Variants in KIF13A observed in about 807,000 individuals in gnomAD.
KIF13A encodes kinesin family member 13A.
KIF13A carries 79 observed loss-of-function variants against 212.2 expected under a neutral mutation model. The observed-to-expected ratio is 0.37, with a 90% confidence interval of 0.31 to 0.45. The LOEUF (loss-of-function observed/expected upper bound fraction) is 0.45, where lower values mean the gene tolerates loss of function less well. Ranked by LOEUF, KIF13A falls within the 20% of genes least tolerant of loss-of-function variation. KIF13A has a pLI of 1.00. For synonymous variants in KIF13A, 789 were observed against 808.6 expected, an observed-to-expected ratio of 0.98 and a Z score of 0.41; for missense variants, 1,901 against 2,209.0, an observed-to-expected ratio of 0.86 and a Z score of 2.79.
At chr6:17,762,294 C>T (rs908453818), downstream of KIF13A, among the ~76,000 whole-genome samples, 1 of 150,788 alleles carries the variant, frequency 6.6e-6, no homozygotes, top group Non-Finnish European at 1.5e-5. Flanking sequence ...CTCACTGCAA[C>T]CTCCGCCTCC....
rs1779405700 is a variant in KIF13A at position 17,967,212 on chromosome 6, T to TGCAA, written c.146+19841_146+19842insTTGC. Reference sequence around the variant, plus strand: ...TTCAGCTGAACCTAGTGCTGTAAATTTTTAGATAGTGCTACCGCCTCAAGG... The same window carrying TGCAA: ...TTCAGCTGAACCTAGTGCTGTAAATTGCAATTTAGATAGTGCTACCGCCTCAAGG... On this transcript the variant is annotated intron_variant, in intron 2 of 38. Coordinates refer to ENST00000259711, the MANE Select transcript of KIF13A (RefSeq NM_022113.6). The surrounding 1 kb of genome is among the most constrained non-coding windows in gnomAD (Gnocchi z 4.1). Among the ~76,000 whole-genome samples, 2 of 152,214 alleles carry TGCAA rather than the reference T, an allele frequency of 1.3e-5. No homozygotes were observed. Among genetic ancestry groups the TGCAA allele is most frequent in the Non-Finnish European group, 1.5e-5 (1 of 68,048 alleles).
chr6:17,803,220 C>T (rs778286805), intron 20 of KIF13A, among the ~76,000 whole-genome samples: 2 of 152,120 alleles, frequency 1.3e-5, no homozygotes, highest in Non-Finnish European at 2.9e-5. Flanking sequence ...AGGCGTGAGC[C>T]ACTGCACTCT....
rs1392125191 is a variant in KIF13A at position 17,825,170 on chromosome 6, G to A, written c.1786+598C>T. On this transcript the variant is annotated intron_variant, in intron 16 of 38. Transcript: ENST00000259711. This position sits in a 1 kb window ranked among gnomAD's most constrained non-coding sequence, Gnocchi z 4.5. ...TATTTTATTTAATGCAGGCAGGTGT[G>A]TATAGGCACAGAATAAGAAAGAAAA... 2.6e-5 allele frequency among the ~76,000 whole-genome samples: 4 copies of A among 152,194 alleles called. No individual in the cohort carries two copies. The highest frequency in any genetic ancestry group is 4.4e-5 in the Non-Finnish European group (3 of 68,034).
intron 2 of KIF13A, among the ~76,000 whole-genome samples, chr6:17,929,248 T>C (rs933567497): frequency 6.6e-6 from 1 of 151,710 alleles, no homozygotes; most frequent in Non-Finnish European, 1.5e-5. Context: ...GGGGGGCGCA[T>C]GGGGAGGGCA....
chr6:17,969,095 A>C (rs1411153692), intron 2 of KIF13A, among the ~76,000 whole-genome samples: 2 of 152,254 alleles, frequency 1.3e-5, no homozygotes, highest in Admixed American at 1.3e-4. Flanking sequence ...CAAGGCACTT[A>C]CTATGTACAA....
chr6:17,951,087 ATAT>A lies in KIF13A; in HGVS notation c.146+35964_146+35966del, dbSNP rs1777804633. On this transcript the variant is annotated intron_variant, in intron 2 of 38. Coordinates refer to ENST00000259711, the MANE Select transcript of KIF13A (RefSeq NM_022113.6). The surrounding 1 kb of genome is among the most constrained non-coding windows in gnomAD (Gnocchi z 4.9). ...ACACCTAAGGAATTGTACTTATTAT[ATAT>A]AACACTTTGCCAACCATCCATTTAT... is the stretch of plus-strand genomic sequence containing the variant. The A allele has an allele frequency of 1.8e-6, 2 of 1,114,084 alleles. No homozygotes were observed. Among genetic ancestry groups the A allele is most frequent in the Admixed American group, 9.8e-5 (2 of 20,394 alleles). The allele number at this position is 1,114,084 out of a possible 1,614,324, so 69.0% of individuals were successfully genotyped here. A position where few individuals can be genotyped will look rare whatever the true frequency, so the allele number is the denominator to read the frequency against.
At chr6:17,958,690 A>G (rs1778553170) in intron 2 of KIF13A, among the ~76,000 whole-genome samples, 1 of 152,146 alleles carries the variant, frequency 6.6e-6, no homozygotes, top group Non-Finnish European at 1.5e-5. Context: ...TGAATATACA[A>G]TGTGATATTT....
rs1416116445 is a variant in KIF13A, at chr6:17,987,508, AGGCGGCCCCTCACGCGCG to A, written c.-63_-46del. The A allele has an allele frequency of 3.7e-6, 4 of 1,072,050 alleles. No individual in the cohort carries two copies. The African/African-American group carries it at 6.9e-5, about 19-fold the overall frequency. The allele number at this position is 1,072,050 out of a possible 1,614,324, so 66.4% of individuals were successfully genotyped here. A position where few individuals can be genotyped will look rare whatever the true frequency, so the allele number is the denominator to read the frequency against. On this transcript the variant is annotated 5_prime_UTR_variant, in exon 1 of 39. An upstream open reading frame in the 5' UTR gains an earlier in-frame stop. Transcript: ENST00000259711. The surrounding 1 kb of genome is among the most constrained non-coding windows in gnomAD (Gnocchi z 7.7). ...CCGCTCGCCGCGCCCGCTCGGCCTT[AGGCGGCCCCTCACGCGCG>A]GCGCCGCCGCCGCTGCAGCCGCGCG...
At chr6:17,973,341 T>C (rs901586741) in intron 2 of KIF13A, among the ~76,000 whole-genome samples, 1 of 152,208 alleles carries the variant, frequency 6.6e-6, no homozygotes, top group Non-Finnish European at 1.5e-5. Context: ...AAAGGAGGTA[T>C]GTAGAATGTC....
intron 2 of KIF13A, among the ~76,000 whole-genome samples, chr6:17,983,229 C>T (rs923468173): frequency 1.3e-5 from 2 of 149,154 alleles, no homozygotes; most frequent in East Asian, 3.9e-4. Context: ...TATATAAATA[C>T]TTATTTGTGT....
intron 2 of KIF13A, among the ~76,000 whole-genome samples, chr6:17,966,016 A>G (rs1779272861): frequency 6.6e-6 from 1 of 152,178 alleles, no homozygotes; most frequent in South Asian, 2.1e-4. Context: ...CAATATGGCA[A>G]AACCCCATCT....
chr6:17,796,334 TAAA>T (rs1004286955), intron 23 of KIF13A, among the ~76,000 whole-genome samples: 3 of 69,368 alleles, frequency 4.3e-5, no homozygotes, highest in Admixed American at 1.3e-4. Flanking sequence ...TTTTTATAAA[TAAA>T]AAAAAAATAA....
At chr6:17,797,000 A>C (rs1049792116) in intron 22 of KIF13A, among the ~76,000 whole-genome samples, 180 bp from the exon 23 acceptor site, 5 of 152,002 alleles carry the variant, frequency 3.3e-5, no homozygotes, top group African/African-American at 1.2e-4. Flanking sequence ...TGGAAAGAAA[A>C]TTGGGAGGTA....
intron 2 of KIF13A, among the ~76,000 whole-genome samples, chr6:17,916,268 G>T (rs1774508547): frequency 6.6e-6 from 1 of 152,160 alleles, no homozygotes; most frequent in African/African-American, 2.4e-5. Context: ...GTCAAGGGGG[G>T]ATCCAAGGAC....
chr6:17,847,476 T>A (rs1461208916), intron 9 of KIF13A, among the ~76,000 whole-genome samples: 1 of 152,200 alleles, frequency 6.6e-6, no homozygotes, highest in African/African-American at 2.4e-5. Flanking sequence ...GGGGCCACTA[T>A]TTTACTTCTA....
rs1449372234 is a variant in KIF13A, at chr6:17,809,387, T to C, written c.2001-457A>G. ...ATGCAATGGTAAGGTAGTTCTGCAG[T>C]AGCAGGAATTCTTCGTTTCAACTCT... On this transcript the variant is annotated intron_variant, in intron 17 of 38. Coordinates refer to ENST00000259711, the MANE Select transcript of KIF13A (RefSeq NM_022113.6). The surrounding 1 kb of genome is among the most constrained non-coding windows in gnomAD (Gnocchi z 4.7). Among the ~76,000 whole-genome samples the C allele has an allele frequency of 2.6e-5, 4 of 152,206 alleles. No homozygotes were observed. Among genetic ancestry groups the C allele is most frequent in the Admixed American group, 6.5e-5 (1 of 15,274 alleles).
chr6:17,940,179 C>T (rs1045617259), intron 2 of KIF13A, among the ~76,000 whole-genome samples: 2 of 151,836 alleles, frequency 1.3e-5, no homozygotes, highest in South Asian at 2.1e-4. Context: ...CCTCCTCCTC[C>T]TCCTTTTTCC....
chr6:17,975,559 T>G (rs555687490), intron 2 of KIF13A, among the ~76,000 whole-genome samples: 4 of 152,110 alleles, frequency 2.6e-5, no homozygotes, highest in Non-Finnish European at 5.9e-5. Context: ...AAAAAAAGCT[T>G]CCAGTACAGA....
Position 17,768,179 on chromosome 6 carries a change from C to A in KIF13A, c.4581+2935G>T, listed in dbSNP as rs1359535159. ...GGTTTAGATTTTTTATACCAGAAAT[C>A]TCATTTCTCATCATAGCTTAAAGAA... On this transcript the variant is annotated intron_variant, in intron 38 of 38. Transcript: ENST00000259711. The surrounding 1 kb of genome is among the most constrained non-coding windows in gnomAD (Gnocchi z 5.4). Among the ~76,000 whole-genome samples the A allele has an allele frequency of 6.6e-6, 1 of 152,116 alleles. No homozygotes were observed. The highest frequency in any genetic ancestry group is 1.5e-5 in the Non-Finnish European group (1 of 68,016).
Sources: gnomAD v4.1 joint callset for allele counts (sites outside exome capture counted in the v4.1 genomes callset) on GRCh38, gnomAD v4.1.1 for gene constraint, Gnocchi (gnomAD v3.1) non-coding constraint, MANE v1.5 for transcripts, NCBI Gene and HGNC (gene_info 2026-07-23, HGNC 2026-07-21) for gene names.